The following IL2RB variants were observed in gnomAD, a reference collection of about 807,000 sequenced individuals.
The protein encoded by IL2RB is interleukin 2 receptor subunit beta, also known as interleukin-2 receptor subunit beta.
Under a neutral mutation model 44.2 loss-of-function variants are expected in IL2RB, and 17 were observed. The observed-to-expected ratio is 0.38, with a 90% CI of 0.26 to 0.58. IL2RB has a LOEUF of 0.58. IL2RB is among the 20% of genes least tolerant of loss of function. IL2RB has a pLI of 0.63. For synonymous variants in IL2RB, 286 were observed against 297.9 expected (o/e 0.96, Z 0.41); for missense variants, 624 against 685.5 (o/e 0.91, Z 1.00).
chr22:37,143,884 C>CGCGTGTGT (rs1555897710), intron 2 of IL2RB, among the ~76,000 whole-genome samples: 2 of 139,818 alleles, frequency 1.4e-5, no homozygotes, highest in African/African-American at 5.8e-5. Flanking sequence ...CTTGGAGAGG[C>CGCGTGTGT]GTGTGTGTGT....
chr22:37,141,497 A>C lies in IL2RB; in HGVS notation c.282+937T>G, dbSNP rs547986251. Among the ~76,000 whole-genome samples, 1 of 151,844 alleles carries C rather than the reference A, an allele frequency of 6.6e-6. No individual in the cohort carries two copies. Among genetic ancestry groups the C allele is most frequent in the East Asian group, 1.9e-4 (1 of 5,130 alleles). On this transcript the variant is annotated intron_variant, in intron 4 of 9. Transcript: ENST00000216223. This position sits in a 1 kb window ranked among gnomAD's most constrained non-coding sequence, Gnocchi z 4.4. ...TCTGTGGATCCAGTGTGAGTCGGGG[A>C]CAAGCGGGACCCCTGCCCCTTCCGA...
chr22:37,128,148 G>A lies in IL2RB; in HGVS notation c.1604C>T (p.Ala535Val), dbSNP rs1921214581. Residue 535 changes from alanine (A) to valine (V), a missense_variant, in exon 10 of 10, where the codon GCC (alanine) becomes GTC (valine). By Grantham distance (64) the Ala-to-Val change is moderately conservative. Transcript: ENST00000216223. This position sits in a 1 kb window ranked among gnomAD's most constrained non-coding sequence, Gnocchi z 4.5. ...LNARLPLNTD[A>V]YLSLQELQGQ... is the part of the protein sequence containing the mutation. ...CTGGAGTTCTTGGAGGGACAAGTAGGCATCAGTGTTCAGGGGCAGGCGAGC... is the reference window on the plus strand; with the variant it reads ...CTGGAGTTCTTGGAGGGACAAGTAGACATCAGTGTTCAGGGGCAGGCGAGC... The A allele has an allele frequency of 1.3e-6, 2 of 1,581,778 alleles. No individual in the cohort carries two copies. Among genetic ancestry groups the A allele is most frequent in the Non-Finnish European group, 1.7e-6 (2 of 1,167,062 alleles).
chr22:37,165,722 G>A (rs900352436), intron 1 of IL2RB, among the ~76,000 whole-genome samples: 12 of 146,096 alleles, frequency 8.2e-5, no homozygotes, highest in African/African-American at 3.1e-4. Context: ...ATTATTGTTT[G>A]TGGGGTTGGG....
intron 1 of IL2RB, among the ~76,000 whole-genome samples, chr22:37,167,996 G>A (rs188947702): frequency 1.3e-5 from 2 of 152,370 alleles, no homozygotes; most frequent in Non-Finnish European, 2.9e-5. Flanking sequence ...GCTGGCAGCA[G>A]CATGCTGGGC....
chr22:37,144,510 C>T (rs1922133541), intron 1 of IL2RB, among the ~76,000 whole-genome samples: 1 of 152,150 alleles, frequency 6.6e-6, no homozygotes, highest in South Asian at 2.1e-4. Context: ...TTTGGGAGGT[C>T]GAGGCAGACG....
At chr22:37,163,995 C>G (rs1248661663) in intron 1 of IL2RB, among the ~76,000 whole-genome samples, 1 of 152,210 alleles carries the variant, frequency 6.6e-6, no homozygotes, top group East Asian at 1.9e-4. Flanking sequence ...TGCTCATGCA[C>G]GAAGGTGCTT....
At chr22:37,131,176 A>G (rs892627477) in intron 9 of IL2RB, among the ~76,000 whole-genome samples, 6 of 152,086 alleles carry the variant, frequency 3.9e-5, no homozygotes, top group African/African-American at 1.2e-4. Flanking sequence ...CAAAAAATAA[A>G]TAAATAAATA....
Position 37,128,597 on chromosome 22 carries a change from G to T in IL2RB, c.1155C>A (p.Asp385Glu). 1 of 1,614,120 alleles carries T rather than the reference G, an allele frequency of 6.2e-7. No homozygotes were observed. Among genetic ancestry groups the T allele is most frequent in the Non-Finnish European group, 8.5e-7 (1 of 1,179,984 alleles). The change falls in exon 10 of 10, where the codon GAC (aspartate) becomes GAA (glutamate). Residue 385 changes from aspartate to glutamate, a missense_variant. Around this residue, in one of 3 missense-constraint regions of IL2RB, gnomAD observed 291 missense variants for 275.5 expected, o/e 1.06. Coordinates refer to ENST00000216223, the MANE Select transcript of IL2RB (RefSeq NM_000878.5). This position sits in a 1 kb window ranked among gnomAD's most constrained non-coding sequence, Gnocchi z 4.5. The part of the protein sequence containing the change: ...IEACQVYFTY[D>E]PYSEEDPDEG... ...CATCAGGGTCTTCCTCTGAGTAGGG[G>T]TCGTAAGTAAAGTACACCTGGCAGG... is the stretch of plus-strand genomic sequence containing the variant.
chr22:37,153,052 G>A (rs947535727), upstream of IL2RB, among the ~76,000 whole-genome samples: 3 of 149,504 alleles, frequency 2.0e-5, no homozygotes, highest in South Asian at 2.1e-4. Flanking sequence ...CTCCTGCCTC[G>A]GCTTCCCGAG....
At chr22:37,166,375 C>T (rs1923079621) in intron 1 of IL2RB, among the ~76,000 whole-genome samples, 2 of 152,248 alleles carry the variant, frequency 1.3e-5, no homozygotes, top group Admixed American at 1.3e-4. Context: ...TACACGGAGC[C>T]TGCGCTTCCT....
intron 1 of IL2RB, among the ~76,000 whole-genome samples, chr22:37,172,900 A>ACCAC (rs996245512): frequency 7.2e-5 from 11 of 152,088 alleles, no homozygotes; most frequent in African/African-American, 2.7e-4. Flanking sequence ...TGTCTTGAGA[A>ACCAC]CCACCGAAAG....
intron 8 of IL2RB, 128 bp from the exon 9 acceptor site, chr22:37,132,596 C>G (rs1390089749): frequency 3.0e-6 from 2 of 664,318 alleles, no homozygotes; most frequent in Non-Finnish European, 2.7e-6. Context: ...TTTCTTCCGC[C>G]GATACTAAGT....
Position 37,137,709 on chromosome 22 carries a change from G to A in IL2RB, c.415C>T (p.Gln139Ter). The A allele has an allele frequency of 6.2e-7, 1 of 1,614,094 alleles. No homozygotes were observed. Residue 139 changes from glutamine to a stop codon, truncating the protein, a stop_gained, in exon 6 of 10, where the codon CAA (glutamine) becomes TAA (stop). Transcript: ENST00000216223. LOFTEE classifies it high-confidence loss of function. Reference protein sequence around the residue: ...NLRLMAPISLQVVHVETHRCN... With the variant: ...NLRLMAPISL ...CTGTGGGTCTCCACGTGGACAACTT[G>A]GAGGGAGATGGGGGCCATCAGGCGA...
intron 1 of IL2RB, among the ~76,000 whole-genome samples, chr22:37,156,896 T>C (rs1341229414): frequency 3.9e-5 from 6 of 152,084 alleles, no homozygotes; most frequent in Admixed American, 2.6e-4. Context: ...TCACCCACCC[T>C]CAAGTCCTTG....
At position 37,128,123 on chromosome 22, in the gene IL2RB, C is replaced by T. The variant is rs1364125999; in HGVS notation, c.1629G>A (p.Gln543=). ...ACACCAAGTGAGTTGGGTCCTGACC[C>T]TGGAGTTCTTGGAGGGACAAGTAGG... ...TDAYLSLQEL[Q]GQDPTHLV The change falls in exon 10 of 10, where the codon CAG becomes CAA. Residue 543 remains glutamine (Q), a synonymous_variant. Coordinates refer to ENST00000216223, the MANE Select transcript of IL2RB (RefSeq NM_000878.5). This position sits in a 1 kb window ranked among gnomAD's most constrained non-coding sequence, Gnocchi z 4.5. The T allele has an allele frequency of 6.3e-7, 1 of 1,577,402 alleles. No homozygotes were observed. Among genetic ancestry groups the T allele is most frequent in the Admixed American group, 1.9e-5 (1 of 52,374 alleles).
At chr22:37,164,291 G>A (rs1411986818) in intron 1 of IL2RB, among the ~76,000 whole-genome samples, 2 of 152,096 alleles carry the variant, frequency 1.3e-5, no homozygotes, top group Non-Finnish European at 2.9e-5. Context: ...AAGAGACCTG[G>A]CCAGTGCACA....
chr22:37,171,495 G>GA (rs1478175085), intron 1 of IL2RB, among the ~76,000 whole-genome samples: 1 of 152,042 alleles, frequency 6.6e-6, no homozygotes, highest in African/African-American at 2.4e-5. Flanking sequence ...TATCAGAAAA[G>GA]AAAAAATGGG....
In IL2RB at chr22:37,139,137, T is replaced by C. The variant is rs1921841661; in HGVS notation, c.368A>G (p.Asp123Gly). Residue 123 changes from aspartate to glycine, a missense_variant, in exon 5 of 10, where the codon GAC becomes GGC. Physicochemically the swap from Asp to Gly is moderately conservative, Grantham distance 94. Around this residue, in one of 3 missense-constraint regions of IL2RB, gnomAD observed 255 missense variants for 339.9 expected, o/e 0.75. Coordinates refer to ENST00000216223, the MANE Select transcript of IL2RB (RefSeq NM_000878.5). ...GVRWRVMAIQ[D>G]FKPFENLRLM... ...CTCACGGTTCTCAAAGGGCTTGAAG[T>C]CCTGGATGGCCATCACCCTCCATCG... The C allele has an allele frequency of 6.2e-7, 1 of 1,612,960 alleles. No homozygotes were observed. Among genetic ancestry groups the C allele is most frequent in the Admixed American group, 1.7e-5 (1 of 59,988 alleles).
intron 3 of IL2RB, chr22:37,142,725 G>T (rs1396742228): frequency 2.8e-6 from 2 of 704,052 alleles, no homozygotes; most frequent in East Asian, 2.7e-5. Context: ...CCTCATCCCA[G>T]CCTGGTCCCA....
Sources: gnomAD v4.1 joint callset for allele counts (sites outside exome capture counted in the v4.1 genomes callset) on GRCh38, gnomAD v4.1.1 for gene constraint, gnomAD v4.1.1 regional missense constraint, Gnocchi (gnomAD v3.1) non-coding constraint, MANE v1.5 for transcripts, NCBI Gene and HGNC (gene_info 2026-07-23, HGNC 2026-07-21) for gene names.